Variants in AUTS2 observed in about 807,000 individuals in gnomAD.
AUTS2 encodes the protein activator of transcription and developmental regulator AUTS2.
Under a neutral mutation model 112.4 loss-of-function variants are expected in AUTS2, and 17 were observed. That is an observed-to-expected ratio of 0.15 (90% CI 0.10 to 0.23). AUTS2 has a LOEUF of 0.23. AUTS2 is among the 10% of genes least tolerant of loss of function. The pLI, the probability that AUTS2 is intolerant of heterozygous loss-of-function variation, is 1.00. For synonymous variants in AUTS2, 751 were observed against 702.7 expected (o/e 1.07, Z -1.09); for missense variants, 1,510 against 1,701.6 (o/e 0.89, Z 1.98).
chr7:70,160,350 T>C lies in AUTS2; in HGVS notation c.660+25779T>C, dbSNP rs186816195. Among the ~76,000 whole-genome samples the C allele has an allele frequency of 3.7e-4, 56 of 152,296 alleles. No homozygotes were observed. The East Asian group carries it at 5.4e-3, about 15-fold the overall frequency. ...TGCTTTAGTGAATGATGCTAGATCTTCCTCCAACGTAAATCTTTCTGCTCA... is the reference window on the plus strand; with the variant it reads ...TGCTTTAGTGAATGATGCTAGATCTCCCTCCAACGTAAATCTTTCTGCTCA... On this transcript the variant is annotated intron_variant, in intron 4 of 18. Coordinates refer to ENST00000342771, the MANE Select transcript of AUTS2 (RefSeq NM_015570.4).
chr7:70,502,965 A>C (rs1798824560), intron 5 of AUTS2, among the ~76,000 whole-genome samples: 1 of 151,284 alleles, frequency 6.6e-6, no homozygotes, highest in African/African-American at 2.4e-5. Context: ...ACTTAGCAAC[A>C]CTGCTTTGCC....
At chr7:70,691,743 A>G (rs1431266492) in intron 5 of AUTS2, among the ~76,000 whole-genome samples, 2 of 152,176 alleles carry the variant, frequency 1.3e-5, no homozygotes, top group African/African-American at 2.4e-5. Context: ...GGAGGTGGCC[A>G]CAGTGGTCAG....
intron 2 of AUTS2, among the ~76,000 whole-genome samples, chr7:69,916,220 C>G (rs945824417): frequency 1.3e-5 from 2 of 152,168 alleles, no homozygotes; most frequent in Non-Finnish European, 2.9e-5. Context: ...GGTAGTTTCC[C>G]AGTGAATTTA....
chr7:69,760,437 C>G (rs933752864), intron 1 of AUTS2, among the ~76,000 whole-genome samples: 2 of 151,738 alleles, frequency 1.3e-5, no homozygotes, highest in Non-Finnish European at 2.9e-5. Flanking sequence ...TATATTTAAC[C>G]TCTTTATTTA....
intron 7 of AUTS2, among the ~76,000 whole-genome samples, chr7:70,764,262 A>G (rs1789763112): frequency 6.6e-6 from 1 of 152,128 alleles, no homozygotes; most frequent in Admixed American, 6.5e-5. Flanking sequence ...CCTCCAGACC[A>G]TAAAGTGATG....
At chr7:70,684,505 A>ATGGTG (rs1170536380) in intron 5 of AUTS2, among the ~76,000 whole-genome samples, 2 of 151,816 alleles carry the variant, frequency 1.3e-5, no homozygotes, top group African/African-American at 2.4e-5. Flanking sequence ...TGGGGATAGG[A>ATGGTG]TGGTGTGGTG....
intron 2 of AUTS2, among the ~76,000 whole-genome samples, chr7:69,922,572 C>T (rs1419388009): frequency 6.6e-6 from 1 of 152,184 alleles, no homozygotes; most frequent in Non-Finnish European, 1.5e-5. Flanking sequence ...ATGCTGTTTT[C>T]ACTTCTCAGG....
At chr7:70,759,740 A>G (rs1789438451) in intron 6 of AUTS2, among the ~76,000 whole-genome samples, 2 of 152,214 alleles carry the variant, frequency 1.3e-5, no homozygotes, top group Admixed American at 1.3e-4. Context: ...GCCATCTGCA[A>G]GCTTGGCTGT....
At chr7:70,127,722 G>A (rs1806053820) in intron 3 of AUTS2, among the ~76,000 whole-genome samples, 1 of 152,142 alleles carries the variant, frequency 6.6e-6, no homozygotes, top group African/African-American at 2.4e-5. Context: ...AAAGTCTTAT[G>A]AGTCTAATGC....
At chr7:70,463,511 A>G (rs554441163) in intron 5 of AUTS2, among the ~76,000 whole-genome samples, 1 of 152,354 alleles carries the variant, frequency 6.6e-6, no homozygotes, top group Admixed American at 6.5e-5. Flanking sequence ...GGAGTTGATC[A>G]AGGAGTTTTG....
At chr7:69,840,365 G>A (rs975196764) in intron 1 of AUTS2, among the ~76,000 whole-genome samples, 31 of 152,100 alleles carry the variant, frequency 2.0e-4, no homozygotes, top group Admixed American at 8.5e-4. Context: ...TTTGTTTAGC[G>A]CTAATTTAAA....
At chr7:70,530,566 A>G (rs550605182) in intron 5 of AUTS2, among the ~76,000 whole-genome samples, 1 of 152,252 alleles carries the variant, frequency 6.6e-6, no homozygotes, top group African/African-American at 2.4e-5. Flanking sequence ...AGCAGAGCCG[A>G]CAAGGGTTTG....
intron 2 of AUTS2, among the ~76,000 whole-genome samples, chr7:70,102,195 C>T (rs1033002013): frequency 8.0e-5 from 12 of 150,794 alleles, no homozygotes; most frequent in African/African-American, 1.5e-4. Flanking sequence ...CTCGGCTCAC[C>T]GCAAGCTCTG....
At chr7:70,783,408 AG>A (rs1368825651) in intron 15 of AUTS2, 1 of 119,280 alleles carries the variant, frequency 8.4e-6, no homozygotes, top group Non-Finnish European at 2.1e-5. Flanking sequence ...CTCCAAACCC[AG>A]GCCACAAGAC....
intron 4 of AUTS2, among the ~76,000 whole-genome samples, chr7:70,335,333 G>A (rs886092332): frequency 1.3e-5 from 2 of 152,082 alleles, no homozygotes; most frequent in African/African-American, 4.8e-5. Context: ...CCAATTCTTA[G>A]GCCAGCCCCT....
intron 4 of AUTS2, among the ~76,000 whole-genome samples, chr7:70,185,144 C>T (rs927872754): frequency 3.3e-5 from 5 of 151,830 alleles, no homozygotes; most frequent in African/African-American, 1.2e-4. Context: ...TTCACTAGAG[C>T]ACTGTGGGAA....
intron 4 of AUTS2, among the ~76,000 whole-genome samples, chr7:70,301,251 T>C (rs1392926821): frequency 6.6e-6 from 1 of 152,214 alleles, no homozygotes; most frequent in Non-Finnish European, 1.5e-5. Context: ...AATTTTCCAA[T>C]GAAAGTTCAC....
intron 1 of AUTS2, among the ~76,000 whole-genome samples, chr7:69,772,122 G>A (rs1293450386): frequency 6.6e-6 from 1 of 152,046 alleles, no homozygotes; most frequent in Admixed American, 6.6e-5. Flanking sequence ...AAACAGAAAT[G>A]GGGATCCTTA....
At chr7:69,862,584 G>T (rs1267856518) in intron 1 of AUTS2, among the ~76,000 whole-genome samples, 1 of 152,148 alleles carries the variant, frequency 6.6e-6, no homozygotes, top group Non-Finnish European at 1.5e-5. Context: ...CCCTTAGACA[G>T]TTGTGTATGA....
Sources: gnomAD v4.1 joint callset for allele counts (sites outside exome capture counted in the v4.1 genomes callset) on GRCh38, gnomAD v4.1.1 for gene constraint, MANE v1.5 for transcripts, NCBI Gene and HGNC (gene_info 2026-07-23, HGNC 2026-07-21) for gene names.